TENM2: variants seen among roughly 807,000 people sequenced by gnomAD.
TENM2 encodes teneurin-2.
In TENM2, 52 loss-of-function variants were observed where a neutral mutation model predicts 245.2. That is an observed-to-expected ratio of 0.21 (90% CI 0.17 to 0.27). The LOEUF (loss-of-function observed/expected upper bound fraction) is 0.27, where lower values mean the gene tolerates loss of function less well. Among genes scored for constraint, TENM2 ranks in the 10% least tolerant of loss-of-function variants. TENM2 has a pLI of 1.00. For missense variants in TENM2, 3,046 were observed against 3,666.8 expected (o/e 0.83, Z 4.37); for synonymous variants, 1,363 against 1,438.9 (o/e 0.95, Z 1.19).
At chr5:167,085,706 C>T in the TENM2 span, among the ~76,000 whole-genome samples, 2 of 152,158 alleles carry the variant, frequency 1.3e-5, no homozygotes, top group African/African-American at 4.8e-5. Flanking sequence ...ACTGGTTTGT[C>T]TAGATCACAC....
At chr5:167,230,175 T>G in the TENM2 span, among the ~76,000 whole-genome samples, 1 of 152,150 alleles carries the variant, frequency 6.6e-6, no homozygotes, top group Non-Finnish European at 1.5e-5. Flanking sequence ...TCTGGAGCAA[T>G]GTCTCTGAAC....
chr5:168,020,005 C>T (rs1377305917), intron 5 of TENM2, among the ~76,000 whole-genome samples: 2 of 152,184 alleles, frequency 1.3e-5, no homozygotes, highest in African/African-American at 4.8e-5. Flanking sequence ...TGGATTTCTA[C>T]CTATATGGCA....
chr5:167,698,691 T>G lies in TENM2; in HGVS notation c.503-177295T>G, dbSNP rs1280321994. ...TGTTTTGTTTTTTGTTTTTTTTTTTTTTTTTTTTTTGAGACATAATCTCGC... is the reference window on the plus strand; with the variant it reads ...TGTTTTGTTTTTTGTTTTTTTTTTTGTTTTTTTTTTGAGACATAATCTCGC... On this transcript the variant is annotated intron_variant, in intron 2 of 28. Coordinates refer to ENST00000518659, the Ensembl canonical transcript of TENM2. Among the ~76,000 whole-genome samples, 546 of 146,316 alleles carry G rather than the reference T, an allele frequency of 3.7e-3. 5 individuals are homozygous for G. The highest frequency in any genetic ancestry group is 0.013 in the African/African-American group (522 of 38,824).
chr5:167,363,591 C>T (rs1759842860), intron 1 of TENM2, among the ~76,000 whole-genome samples: 1 of 151,436 alleles, frequency 6.6e-6, no homozygotes, highest in South Asian at 2.1e-4. Context: ...ATTAACTGGG[C>T]ATGGTGGTGG....
the TENM2 span, among the ~76,000 whole-genome samples, chr5:167,150,696 T>C: frequency 2.0e-5 from 3 of 152,322 alleles, no homozygotes; most frequent in African/African-American, 7.2e-5. Context: ...CTACATCTTA[T>C]ATGAAGCTTA....
chr5:167,755,119 C>T, intron 2 of TENM2: 1 of 1,599,140 alleles, frequency 6.3e-7, no homozygotes, highest in East Asian at 2.2e-5. Context: ...CAGATCATCT[C>T]TTATGGAGAC....
the TENM2 span, among the ~76,000 whole-genome samples, chr5:167,112,718 C>T: frequency 6.6e-6 from 1 of 152,096 alleles, no homozygotes; most frequent in Admixed American, 6.5e-5. Flanking sequence ...TTAATATTGC[C>T]AGTTGAATCT....
chr5:167,930,579 A>T (rs1357304027), intron 3 of TENM2, among the ~76,000 whole-genome samples: 1 of 152,018 alleles, frequency 6.6e-6, no homozygotes, highest in Non-Finnish European at 1.5e-5. Flanking sequence ...GAATTAAATG[A>T]TCCTCCCACC....
chr5:167,783,709 G>A (rs973681360), intron 2 of TENM2, among the ~76,000 whole-genome samples: 2 of 152,150 alleles, frequency 1.3e-5, no homozygotes, highest in Non-Finnish European at 2.9e-5. Flanking sequence ...GTTGTTTTTA[G>A]CATTACGAAA....
rs570279505 is a variant in TENM2, at chr5:167,560,675, A to T, written c.502+185202A>T. Among the ~76,000 whole-genome samples the T allele has an allele frequency of 3.9e-5, 6 of 152,356 alleles. No homozygotes were observed. The South Asian group carries it at 1.0e-3, about 26-fold the overall frequency. On this transcript the variant is annotated intron_variant, in intron 2 of 28. Transcript: ENST00000518659. ...TTTTTAGGATCAAATGGGAGCAAAC[A>T]TATAAAGCAATTGGCATGGTGCTAA...
chr5:167,326,506 C>G (rs1399880691), intron 1 of TENM2, among the ~76,000 whole-genome samples: 2 of 151,768 alleles, frequency 1.3e-5, no homozygotes, highest in African/African-American at 4.8e-5. Context: ...AACCCCGTCT[C>G]TACTAAAAAT....
intron 7 of TENM2, among the ~76,000 whole-genome samples, chr5:168,065,854 G>GT (rs546874434): frequency 0.33 from 47,084 of 143,978 alleles, 7,976 homozygotes; most frequent in Non-Finnish European, 0.36. Context: ...AAGAACAAAG[G>GT]TTTTTTTTTT....
chr5:167,856,530 A>T (rs923464963), intron 2 of TENM2, among the ~76,000 whole-genome samples: 1 of 152,222 alleles, frequency 6.6e-6, no homozygotes, highest in Non-Finnish European at 1.5e-5. Context: ...TCCTCTAAGG[A>T]TGCATGAATC....
intron 4 of TENM2, among the ~76,000 whole-genome samples, chr5:167,981,176 C>A (rs1007366462): frequency 1.3e-5 from 2 of 152,178 alleles, no homozygotes; most frequent in African/African-American, 4.8e-5. Flanking sequence ...CGCCATAGGC[C>A]CCTCTGCCAC....
chr5:167,663,183 AG>A (rs1299660164), intron 2 of TENM2, among the ~76,000 whole-genome samples: 44 of 135,676 alleles, frequency 3.2e-4, no homozygotes, highest in African/African-American at 1.2e-3. Flanking sequence ...AGAGAGAGAG[AG>A]AGAAAGAGAG....
the TENM2 span, among the ~76,000 whole-genome samples, chr5:167,129,647 C>T: frequency 2.0e-5 from 3 of 152,022 alleles, no homozygotes; most frequent in South Asian, 6.2e-4. Context: ...TTACTATTGG[C>T]GTGAAATGAG....
At chr5:167,562,957 C>CAAA (rs58779751) in intron 2 of TENM2, among the ~76,000 whole-genome samples, 1 of 77,590 alleles carries the variant, frequency 1.3e-5, no homozygotes, top group Non-Finnish European at 2.9e-5. Context: ...AATTCTGTCT[C>CAAA]AAAAAAAAAA....
chr5:167,298,696 A>G (rs1188815744), intron 1 of TENM2, among the ~76,000 whole-genome samples: 1 of 152,258 alleles, frequency 6.6e-6, no homozygotes, highest in Non-Finnish European at 1.5e-5. Flanking sequence ...GGGAGGACCC[A>G]GGGCATCTAA....
chr5:167,443,309 A>T (rs1040726042), intron 2 of TENM2, among the ~76,000 whole-genome samples: 1 of 152,164 alleles, frequency 6.6e-6, no homozygotes, highest in Non-Finnish European at 1.5e-5. Context: ...TACCAAATCC[A>T]GCTTCAAGCC....
Sources: allele counts gnomAD v4.1 joint callset (sites outside exome capture counted in the v4.1 genomes callset), GRCh38; gene constraint gnomAD v4.1.1; transcripts MANE v1.5; gene names NCBI Gene and HGNC (gene_info 2026-07-23, HGNC 2026-07-21).